Variants in RABGAP1L observed in about 807,000 individuals in gnomAD.
RABGAP1L encodes the protein RAB GTPase activating protein 1 like, also known as rab GTPase-activating protein 1-like.
In RABGAP1L, 63 loss-of-function variants were observed where a neutral mutation model predicts 137.7. The ratio of observed to expected loss-of-function variants is 0.46; its 90% CI spans 0.37 to 0.56. The LOEUF (loss-of-function observed/expected upper bound fraction) is 0.56, where lower values mean the gene tolerates loss of function less well. Ranked by LOEUF, RABGAP1L falls within the 20% of genes least tolerant of loss-of-function variation. The pLI is 0.00. For missense variants in RABGAP1L, 1,095 were observed against 1,244.0 expected, an observed-to-expected ratio of 0.88 and a Z score of 1.80; for synonymous variants, 431 against 433.7, an observed-to-expected ratio of 0.99 and a Z score of 0.08.
intron 19 of RABGAP1L, among the ~76,000 whole-genome samples, chr1:174,925,484 G>A (rs543780234): frequency 1.3e-5 from 2 of 151,846 alleles, no homozygotes; most frequent in East Asian, 3.9e-4. Flanking sequence ...GATGAGATAA[G>A]AGGAGAGTGG....
chr1:174,619,456 C>G (rs967547637), intron 13 of RABGAP1L, among the ~76,000 whole-genome samples: 1 of 151,218 alleles, frequency 6.6e-6, no homozygotes, highest in Non-Finnish European at 1.5e-5. Context: ...AGAAAGTCTA[C>G]AAGCCAGAAG....
At chr1:174,333,414 C>T (rs1267860188) in intron 11 of RABGAP1L, among the ~76,000 whole-genome samples, 1 of 152,142 alleles carries the variant, frequency 6.6e-6, no homozygotes, top group Admixed American at 6.5e-5. Flanking sequence ...TACATTAAAA[C>T]ATCACATTGT....
rs528698285 is a variant in RABGAP1L at position 174,905,303 on chromosome 1, ATT to A, written c.2341-52152_2341-52151del. Among the ~76,000 whole-genome samples the A allele has an allele frequency of 9.8e-4, 150 of 152,368 alleles. 1 individual carries two copies. Among genetic ancestry groups the A allele is most frequent in the African/African-American group, 3.4e-3 (140 of 41,588 alleles). ...ATTCAGTCACTAGCCTTAAGTGATG[ATT>A]TGTAAGATCTGTGACCTAGCATTCA... On this transcript the variant is annotated intron_variant, in intron 19 of 25. Coordinates refer to ENST00000681986, the MANE Select transcript of RABGAP1L (RefSeq NM_001366446.1).
chr1:174,335,450 C>G (rs962557162), intron 11 of RABGAP1L, among the ~76,000 whole-genome samples: 7 of 152,122 alleles, frequency 4.6e-5, no homozygotes, highest in Non-Finnish European at 1.0e-4. Flanking sequence ...CTTTGCCTAT[C>G]TTTCAAATGC....
chr1:174,658,198 G>A (rs1676103932), intron 14 of RABGAP1L, among the ~76,000 whole-genome samples: 1 of 152,130 alleles, frequency 6.6e-6, no homozygotes. Flanking sequence ...GGCAGCTGCA[G>A]GTATTTGGTC....
At chr1:174,214,507 A>G (rs777008166) in intron 1 of RABGAP1L, among the ~76,000 whole-genome samples, 8 of 152,248 alleles carry the variant, frequency 5.3e-5, no homozygotes, top group Non-Finnish European at 7.3e-5. Context: ...ATATGAAACT[A>G]CAAAAGACCC....
At chr1:174,853,024 G>A (rs1013168290) in intron 19 of RABGAP1L, among the ~76,000 whole-genome samples, 2 of 151,846 alleles carry the variant, frequency 1.3e-5, no homozygotes, top group Non-Finnish European at 2.9e-5. Context: ...GCTTTGTTTT[G>A]TTTTTAATGT....
intron 12 of RABGAP1L, among the ~76,000 whole-genome samples, chr1:174,384,614 C>G (rs1482548992): frequency 6.6e-6 from 1 of 151,900 alleles, no homozygotes; most frequent in East Asian, 1.9e-4. Flanking sequence ...CTTCATTATA[C>G]CTTGCATATC....
chr1:174,640,482 C>G (rs916025330), intron 14 of RABGAP1L, among the ~76,000 whole-genome samples: 2 of 151,996 alleles, frequency 1.3e-5, no homozygotes, highest in African/African-American at 4.8e-5. Flanking sequence ...TAAAGGTAGT[C>G]TAACCATTTA....
At chr1:174,430,420 G>GTT (rs763044796) in intron 13 of RABGAP1L, among the ~76,000 whole-genome samples, 2 of 151,574 alleles carry the variant, frequency 1.3e-5, no homozygotes, top group Non-Finnish European at 2.9e-5. Context: ...TCATGATTTT[G>GTT]TTTTTTCTGT....
At chr1:174,493,489 A>C (rs1362155247) in intron 13 of RABGAP1L, among the ~76,000 whole-genome samples, 1 of 151,980 alleles carries the variant, frequency 6.6e-6, no homozygotes, top group African/African-American at 2.4e-5. Context: ...CATTTGTTGA[A>C]GTTCATAGCC....
At chr1:174,750,168 G>A (rs1684232530) in intron 17 of RABGAP1L, among the ~76,000 whole-genome samples, 1 of 152,148 alleles carries the variant, frequency 6.6e-6, no homozygotes, top group Admixed American at 6.6e-5. Flanking sequence ...TTCTTTCAGG[G>A]CCCTGCTATC....
At chr1:174,262,899 G>GGGTTTCTT (rs1445243100) in intron 7 of RABGAP1L, among the ~76,000 whole-genome samples, 1 of 152,210 alleles carries the variant, frequency 6.6e-6, no homozygotes, top group Non-Finnish European at 1.5e-5. Context: ...CAGGAAGATG[G>GGGTTTCTT]GGTTTCTTTT....
chr1:174,654,365 TGAAAATTTA>T (rs1675802795), intron 14 of RABGAP1L, among the ~76,000 whole-genome samples: 1 of 152,228 alleles, frequency 6.6e-6, no homozygotes, highest in African/African-American at 2.4e-5. Flanking sequence ...ATATTTTAGA[TGAAAATTTA>T]ATGCATATAA....
chr1:174,753,933 T>A (rs1314004306), intron 18 of RABGAP1L, among the ~76,000 whole-genome samples: 1 of 152,236 alleles, frequency 6.6e-6, no homozygotes. Context: ...ACTGAATGCT[T>A]AATCTGTCTT....
chr1:174,338,224 T>A (rs1473481659), intron 11 of RABGAP1L, among the ~76,000 whole-genome samples: 1 of 152,222 alleles, frequency 6.6e-6, no homozygotes, highest in Non-Finnish European at 1.5e-5. Context: ...AAATACAAAA[T>A]AGCAATGTTA....
At chr1:174,398,803 A>G (rs1441222243) in intron 13 of RABGAP1L, among the ~76,000 whole-genome samples, 3 of 152,130 alleles carry the variant, frequency 2.0e-5, no homozygotes, top group Non-Finnish European at 4.4e-5. Flanking sequence ...GTAGAAAACT[A>G]CCTTTCTGTT....
intron 11 of RABGAP1L, among the ~76,000 whole-genome samples, chr1:174,341,267 C>G (rs1681949550): frequency 6.6e-6 from 1 of 152,210 alleles, no homozygotes; most frequent in Non-Finnish European, 1.5e-5. Context: ...ATAAGTGCCT[C>G]ACTTCGCAAC....
chr1:174,400,006 AAAT>A (rs1258148508), intron 13 of RABGAP1L, among the ~76,000 whole-genome samples: 5 of 152,192 alleles, frequency 3.3e-5, no homozygotes, highest in African/African-American at 4.8e-5. Flanking sequence ...TCTACCATTT[AAAT>A]CTATAGTAGG....
Sources: allele counts gnomAD v4.1 joint callset (sites outside exome capture counted in the v4.1 genomes callset), GRCh38; gene constraint gnomAD v4.1.1; transcripts MANE v1.5; gene names NCBI Gene and HGNC (gene_info 2026-07-23, HGNC 2026-07-21).